Variants in ABCA13 observed in about 807,000 individuals in gnomAD.
The protein encoded by ABCA13 is ATP-binding cassette sub-family A member 13.
In ABCA13, 476 loss-of-function variants were observed where a neutral mutation model predicts 478.7. The ratio of observed to expected loss-of-function variants is 0.99; its 90% CI spans 0.92 to 1.07. ABCA13 has a LOEUF of 1.07. ABCA13 is among the 50% of genes least tolerant of loss of function. The pLI is 0.00. For synonymous variants in ABCA13, 2,252 were observed against 2,158.9 expected, an observed-to-expected ratio of 1.04 and a Z score of -1.20; for missense variants, 6,060 against 5,910.6, an observed-to-expected ratio of 1.03 and a Z score of -0.83.
chr7:48,174,176 G>A (rs1483079503), intron 1 of ABCA13, among the ~76,000 whole-genome samples: 1 of 152,208 alleles, frequency 6.6e-6, no homozygotes, highest in African/African-American at 2.4e-5. Flanking sequence ...GGCATGAACT[G>A]TGGAATAACC....
chr7:48,527,179 G>A (rs1272384199), intron 54 of ABCA13, among the ~76,000 whole-genome samples: 1 of 152,164 alleles, frequency 6.6e-6, no homozygotes, highest in African/African-American at 2.4e-5. Context: ...TAGGCTGATG[G>A]TGGTGTACCC....
At chr7:48,473,902 T>C (rs1827796391) in intron 45 of ABCA13, among the ~76,000 whole-genome samples, 1 of 152,202 alleles carries the variant, frequency 6.6e-6, no homozygotes, top group Non-Finnish European at 1.5e-5. Context: ...TAAGCGGGAA[T>C]AGTGACACAG....
chr7:48,565,588 G>A (rs1786966870), intron 55 of ABCA13, among the ~76,000 whole-genome samples: 1 of 152,024 alleles, frequency 6.6e-6, no homozygotes, highest in Admixed American at 6.6e-5. Flanking sequence ...ATAAGGCCGG[G>A]CGTGGTTGCT....
intron 42 of ABCA13, among the ~76,000 whole-genome samples, chr7:48,428,251 A>G (rs1340246242): frequency 6.6e-6 from 1 of 152,076 alleles, no homozygotes; most frequent in African/African-American, 2.4e-5. Flanking sequence ...CTGGTAATGG[A>G]TTTGCATGGT....
At chr7:48,381,895 T>G (rs193264985) in intron 35 of ABCA13, among the ~76,000 whole-genome samples, 304 of 152,302 alleles carry the variant, frequency 2.0e-3, no homozygotes, top group Middle Eastern at 3.4e-3. Flanking sequence ...AAATTTGAAT[T>G]TATAAGCAAA....
Position 48,276,137 on chromosome 7 carries a change from T to G in ABCA13, c.6471T>G (p.Asp2157Glu), listed in dbSNP as rs920700602. The stretch of plus-strand genomic sequence containing the variant: ...TGACCAATGAGAGTTCAACTGAAGA[T>G]ATAGCTTTGTTAGCCAAAGCTATTG... ...IPVTNESSTEDIALLAKAIAT... is the reference protein window; with the variant it reads ...IPVTNESSTEEIALLAKAIAT... Residue 2157 changes from aspartate to glutamate, a missense_variant, in exon 17 of 62, where the codon GAT (aspartate) becomes GAG (glutamate). Physicochemically the swap from Asp to Glu is conservative, Grantham distance 45 (BLOSUM62 2). Around this residue, in one of 3 missense-constraint regions of ABCA13, gnomAD observed 4,423 missense variants for 4,309.1 expected, o/e 1.03. Transcript: ENST00000435803. The G allele has an allele frequency of 1.3e-6, 2 of 1,597,364 alleles. No individual in the cohort carries two copies. The highest frequency in any genetic ancestry group is 1.7e-6 in the Non-Finnish European group (2 of 1,171,264).
chr7:48,435,177 CT>C (rs146962801), intron 42 of ABCA13, among the ~76,000 whole-genome samples: 2,172 of 151,818 alleles, frequency 0.014, 47 homozygotes, highest in African/African-American at 0.05. Context: ...TTTTCATTTT[CT>C]TCAGTAACAT....
intron 15 of ABCA13, among the ~76,000 whole-genome samples, chr7:48,254,366 T>A (rs1033009934): frequency 1.3e-5 from 2 of 152,128 alleles, no homozygotes; most frequent in Non-Finnish European, 2.9e-5. Flanking sequence ...GAGGCTCAAG[T>A]GATCCTTTTG....
In ABCA13 at chr7:48,288,153, A is replaced by C. The variant is rs1158978178; in HGVS notation, c.8955+75A>C. On this transcript the variant is annotated intron_variant, in intron 20 of 61. Transcript: ENST00000435803. ...CCTTGCAAGGCAGTCCAGTTATTCA[A>C]ACTTGCTGCTTCGTTCTTATAACTA... The C allele has an allele frequency of 9.1e-6, 12 of 1,324,346 alleles. No homozygotes were observed. The Admixed American group carries it at 1.4e-4, about 15-fold the overall frequency. 82.0% of individuals were successfully genotyped at this position (1,324,346 alleles called of 1,614,324 possible).
intron 11 of ABCA13, 146 bp downstream of exon 11, chr7:48,244,849 A>G: frequency 7.9e-6 from 8 of 1,011,666 alleles, no homozygotes; most frequent in Non-Finnish European, 1.1e-5. Context: ...CTTTACTCTG[A>G]TGCCTTCTAG....
At chr7:48,258,243 T>G (rs1793682091) in intron 15 of ABCA13, among the ~76,000 whole-genome samples, 1 of 152,196 alleles carries the variant, frequency 6.6e-6, no homozygotes, top group Non-Finnish European at 1.5e-5. Context: ...GTCTTTTAAA[T>G]TACTGATTCA....
intron 31 of ABCA13, among the ~76,000 whole-genome samples, chr7:48,353,845 T>A (rs1303049165): frequency 6.6e-6 from 1 of 151,952 alleles, no homozygotes; most frequent in Non-Finnish European, 1.5e-5. Flanking sequence ...AAGGCGACAT[T>A]TTCACTCAGG....
In ABCA13 at chr7:48,615,295, T is replaced by G; in HGVS notation, c.14755T>G (p.Cys4919Gly). 1.3e-6 allele frequency: 2 copies of G among 1,557,574 alleles called. No individual in the cohort carries two copies. The highest frequency in any genetic ancestry group is 2.3e-5 in the East Asian group (1 of 42,662). Residue 4919 changes from cysteine (C) to glycine (G), a missense_variant, in exon 59 of 62, where the codon TGT becomes GGT. By Grantham distance (159) the Cys-to-Gly change is radical (BLOSUM62 -3). Coordinates refer to ENST00000435803, the MANE Select transcript of ABCA13 (RefSeq NM_152701.5). ...AVLTSHSMEECEALCTRLAIM... is the reference protein window; with the variant it reads ...AVLTSHSMEEGEALCTRLAIM... ...TTTCCTTCTTTACAGCATGGAGGAG[T>G]GTGAGGCTCTTTGCACAAGACTGGC...
chr7:48,444,459 A>G (rs934543354), intron 42 of ABCA13, among the ~76,000 whole-genome samples: 8 of 152,224 alleles, frequency 5.3e-5, no homozygotes, highest in African/African-American at 1.9e-4. Context: ...TTTATCTCTA[A>G]GCTGTATCCA....
intron 59 of ABCA13, among the ~76,000 whole-genome samples, chr7:48,633,931 CATAGATAG>C (rs58253125): frequency 0.088 from 12,758 of 144,742 alleles, 734 homozygotes; most frequent in African/African-American, 0.16. Context: ...TAGATAGATA[CATAGATAG>C]ATAGATAGAT....
At chr7:48,629,894 TA>T (rs1198886421) in intron 59 of ABCA13, among the ~76,000 whole-genome samples, 1 of 152,116 alleles carries the variant, frequency 6.6e-6, no homozygotes, top group African/African-American at 2.4e-5. Context: ...ACACCACGTA[TA>T]GCTACATGGC....
chr7:48,537,628 T>C (rs1367854996), intron 55 of ABCA13, among the ~76,000 whole-genome samples: 1 of 152,160 alleles, frequency 6.6e-6, no homozygotes, highest in East Asian at 1.9e-4. Flanking sequence ...AGAGCAGGGT[T>C]ACGAGCCAGA....
chr7:48,269,138 A>T (rs528838788), intron 16 of ABCA13, 44 bp downstream of exon 16: 1 of 1,099,312 alleles, frequency 9.1e-7, no homozygotes. Context: ...TTTAATTATC[A>T]TCTGAAGATA....
rs535480835 is a variant in ABCA13, at chr7:48,386,045, C to G, written c.11336-1777C>G. On this transcript the variant is annotated intron_variant, in intron 35 of 61. Coordinates refer to ENST00000435803, the MANE Select transcript of ABCA13 (RefSeq NM_152701.5). ...AATTTATTTAAGTTCCTTATAGATG[C>G]TGGATACTAGACCTTTGTCAGATGC... 1.6e-4 allele frequency among the ~76,000 whole-genome samples: 24 copies of G among 152,258 alleles called. No homozygotes were observed. The South Asian group carries it at 4.8e-3, about 30-fold the overall frequency.
Sources: gnomAD v4.1 joint callset for allele counts (sites outside exome capture counted in the v4.1 genomes callset) on GRCh38, gnomAD v4.1.1 for gene constraint, gnomAD v4.1.1 regional missense constraint, MANE v1.5 for transcripts, NCBI Gene and HGNC (gene_info 2026-07-23, HGNC 2026-07-21) for gene names.